The following HDLBP variants were observed in gnomAD, a reference collection of about 807,000 sequenced individuals.
The protein encoded by HDLBP is high density lipoprotein binding protein.
In HDLBP, 30 loss-of-function variants were observed where a neutral mutation model predicts 137.3. That is an observed-to-expected ratio of 0.22 (90% CI 0.16 to 0.30). The LOEUF (loss-of-function observed/expected upper bound fraction) is 0.30, where lower values mean the gene tolerates loss of function less well. Among genes scored for constraint, HDLBP ranks in the 10% least tolerant of loss-of-function variants. The pLI, the probability that HDLBP is intolerant of heterozygous loss-of-function variation, is 1.00. For missense variants in HDLBP, 1,119 were observed against 1,667.3 expected (o/e 0.67, Z 5.73); for synonymous variants, 606 against 596.0 (o/e 1.02, Z -0.24).
At chr2:241,247,514 C>T (rs2149441994) in intron 14 of HDLBP, 3 of 287,464 alleles carry the variant, frequency 1.0e-5, no homozygotes, top group African/African-American at 6.4e-5. Flanking sequence ...CCTTCACCAT[C>T]GCCTCTCCCA....
chr2:241,283,627 A>T (rs963609952), intron 1 of HDLBP, among the ~76,000 whole-genome samples: 1 of 151,276 alleles, frequency 6.6e-6, no homozygotes, highest in Admixed American at 6.7e-5. Context: ...GGCGCCCACC[A>T]CCACGCCCGG....
chr2:241,228,345 C>T lies in HDLBP; in HGVS notation c.*1256G>A, dbSNP rs2069330192. 6.6e-6 allele frequency: 1 copy of T among 152,376 alleles called. No homozygotes were observed. Among genetic ancestry groups the T allele is most frequent in the Admixed American group, 6.5e-5 (1 of 15,288 alleles). 9.4% of individuals were successfully genotyped at this position (152,376 alleles called of 1,614,324 possible). Reference sequence around the variant, plus strand: ...TCCCTCGGAGAGCAGGGTCTCTCGGCATCCAGCGGCGTGGTCTGCATTCTG... The same window carrying T: ...TCCCTCGGAGAGCAGGGTCTCTCGGTATCCAGCGGCGTGGTCTGCATTCTG... On this transcript the variant is annotated 3_prime_UTR_variant, in exon 28 of 28. Coordinates refer to ENST00000310931, the MANE Select transcript of HDLBP (RefSeq NM_005336.6).
intron 14 of HDLBP, 89 bp from the exon 15 acceptor site, chr2:241,247,231 C>A: frequency 1.3e-6 from 1 of 792,244 alleles, no homozygotes. Flanking sequence ...AGCATGAACA[C>A]GACAGAGCAC....
chr2:241,289,971 C>G (rs781549454), intron 1 of HDLBP, among the ~76,000 whole-genome samples: 1 of 151,890 alleles, frequency 6.6e-6, no homozygotes, highest in Non-Finnish European at 1.5e-5. Flanking sequence ...AAAAAAAAAT[C>G]TGGAAAGTAA....
At position 241,238,020 on chromosome 2, in the gene HDLBP, ACTGATAACACAGAGTGGAGGGCGGGCAT is replaced by A. The variant is rs1244516821; in HGVS notation, c.2749+601_2749+628del. 4.6e-5 allele frequency among the ~76,000 whole-genome samples: 7 copies of A among 152,250 alleles called. No homozygotes were observed. Among genetic ancestry groups the A allele is most frequent in the Admixed American group, 1.3e-4 (2 of 15,282 alleles). On this transcript the variant is annotated intron_variant, in intron 20 of 27. Coordinates refer to ENST00000310931, the MANE Select transcript of HDLBP (RefSeq NM_005336.6). The surrounding 1 kb of genome is among the most constrained non-coding windows in gnomAD (Gnocchi z 4.9). ...CTGCCGCCCAAACAGCTCAACCAAG[ACTGATAACACAGAGTGGAGGGCGGGCAT>A]CTGATAACACAGAGTGGAGGGCATA...
In HDLBP at chr2:241,229,499, A is replaced by C; in HGVS notation, c.*102T>G. On this transcript the variant is annotated 3_prime_UTR_variant, in exon 28 of 28. Transcript: ENST00000310931. The stretch of plus-strand genomic sequence containing the variant: ...GACCTCGGGAAGGGGGAAGAGCGTC[A>C]ACAATTTACGGAGGGTCCAGCCGCT... 2.4e-6 allele frequency: 2 copies of C among 843,636 alleles called. No homozygotes were observed. The highest frequency in any genetic ancestry group is 1.9e-6 in the Non-Finnish European group (1 of 527,234). 52.3% of individuals were successfully genotyped at this position (843,636 alleles called of 1,614,324 possible).
chr2:241,248,018 C>T lies in HDLBP; in HGVS notation c.1716G>A (p.Lys572=), dbSNP rs1034156049. The T allele has an allele frequency of 1.2e-6, 2 of 1,613,060 alleles. No homozygotes were observed. Among genetic ancestry groups the T allele is most frequent in the Admixed American group, 3.3e-5 (2 of 60,022 alleles). The stretch of plus-strand genomic sequence containing the variant: ...ACACCCCTACCAGATCTGCCACCAT[C>T]TTCTGCATGTATTTTGTGCATTTTT... ...EVEKCTKYMQ[K]MVADLVENSY... Residue 572 remains lysine, a synonymous_variant, in exon 14 of 28, where the codon AAG becomes AAA. Transcript: ENST00000310931.
chr2:241,251,767 C>G (rs1376242513), intron 11 of HDLBP, among the ~76,000 whole-genome samples: 1 of 151,960 alleles, frequency 6.6e-6, no homozygotes, highest in Non-Finnish European at 1.5e-5. Context: ...CTAAGGTCAG[C>G]AGTTTGACAC....
intron 5 of HDLBP, among the ~76,000 whole-genome samples, chr2:241,260,567 G>A (rs889804134): frequency 4.6e-5 from 7 of 152,322 alleles, no homozygotes; most frequent in African/African-American, 1.7e-4. Flanking sequence ...TAATGTATGA[G>A]CAGGGAGAGA....
chr2:241,232,159 G>T (rs1574834527), intron 24 of HDLBP, among the ~76,000 whole-genome samples: 2 of 152,178 alleles, frequency 1.3e-5, no homozygotes, highest in Non-Finnish European at 2.9e-5. Flanking sequence ...GCCAGGTACA[G>T]AACCTCAAGA....
chr2:241,270,916 T>G (rs1330487907), intron 1 of HDLBP: 1 of 921,650 alleles, frequency 1.1e-6, no homozygotes, highest in Non-Finnish European at 1.3e-6. Context: ...CTAACAGTAC[T>G]GTCCAAATCA....
At chr2:241,284,961 A>G (rs1575021086) in intron 1 of HDLBP, among the ~76,000 whole-genome samples, 1 of 152,050 alleles carries the variant, frequency 6.6e-6, no homozygotes, top group Admixed American at 6.5e-5. Context: ...GCTTACTGCA[A>G]CCTCCACCTC....
intron 5 of HDLBP, among the ~76,000 whole-genome samples, chr2:241,260,401 T>C (rs569083651): frequency 6.6e-6 from 1 of 152,264 alleles, no homozygotes; most frequent in East Asian, 1.9e-4. Context: ...AGCTCCAGCA[T>C]GAAGAATGAT....
chr2:241,264,343 C>T (rs570039210), intron 4 of HDLBP, 105 bp downstream of exon 4: 2 of 760,782 alleles, frequency 2.6e-6, no homozygotes, highest in African/African-American at 3.8e-5. Flanking sequence ...GCCTGGGCGA[C>T]AGAGCGGGAC....
chr2:241,271,429 T>C (rs1559531186), intron 1 of HDLBP, among the ~76,000 whole-genome samples: 1 of 151,996 alleles, frequency 6.6e-6, no homozygotes, highest in Non-Finnish European at 1.5e-5. Context: ...GAGCAAAACG[T>C]GGAGTCCTGA....
At chr2:241,280,289 G>A (rs912955453) in intron 1 of HDLBP, among the ~76,000 whole-genome samples, 2 of 152,106 alleles carry the variant, frequency 1.3e-5, no homozygotes, top group Non-Finnish European at 2.9e-5. Context: ...AATTTGACTT[G>A]TAGCATATTC....
chr2:241,229,472 G>A lies in HDLBP; in HGVS notation c.*129C>T, dbSNP rs1013187288. ...CACAGCCAGGCGCTAGGCTCCCTGC[G>A]GGACCTCGGGAAGGGGGAAGAGCGT... On this transcript the variant is annotated 3_prime_UTR_variant, in exon 28 of 28. Transcript: ENST00000310931. 7.3e-5 allele frequency: 51 copies of A among 700,734 alleles called. No individual in the cohort carries two copies. The East Asian group carries it at 7.5e-4, about 10-fold the overall frequency. The allele number at this position is 700,734 out of a possible 1,614,324, so 43.4% of individuals were successfully genotyped here. A position where few individuals can be genotyped will look rare whatever the true frequency, so the allele number is the denominator to read the frequency against.
At chr2:241,237,837 G>A (rs2070741450) in intron 20 of HDLBP, among the ~76,000 whole-genome samples, 1 of 152,216 alleles carries the variant, frequency 6.6e-6, no homozygotes, top group South Asian at 2.1e-4. Flanking sequence ...CCACTGAAGT[G>A]TAAAACATAG....
intron 1 of HDLBP, among the ~76,000 whole-genome samples, chr2:241,297,564 G>A (rs2075226659): frequency 6.6e-6 from 1 of 152,150 alleles, no homozygotes; most frequent in Non-Finnish European, 1.5e-5. Flanking sequence ...TGTTGACTGA[G>A]AGGGCCTGGG....
Sources: gnomAD v4.1 joint callset for allele counts (sites outside exome capture counted in the v4.1 genomes callset) on GRCh38, gnomAD v4.1.1 for gene constraint, Gnocchi (gnomAD v3.1) non-coding constraint, MANE v1.5 for transcripts, NCBI Gene and HGNC (gene_info 2026-07-23, HGNC 2026-07-21) for gene names.